KCND3: variants seen among roughly 807,000 people sequenced by gnomAD.
The protein encoded by KCND3 is potassium voltage-gated channel subfamily D member 3.
In KCND3, 9 loss-of-function variants were observed where a neutral mutation model predicts 51.1. The ratio of observed to expected loss-of-function variants is 0.18; its 90% CI spans 0.11 to 0.31. KCND3 has a LOEUF of 0.31. Ranked by LOEUF, KCND3 falls within the 10% of genes least tolerant of loss-of-function variation. KCND3 has a pLI of 1.00. For missense variants in KCND3, 526 were observed against 903.8 expected (o/e 0.58, Z 5.36); for synonymous variants, 349 against 368.0 (o/e 0.95, Z 0.59).
chr1:111,863,530 A>T (rs1412760351), intron 2 of KCND3, among the ~76,000 whole-genome samples: 1 of 152,238 alleles, frequency 6.6e-6, no homozygotes, highest in African/African-American at 2.4e-5. Context: ...GTAACATCAC[A>T]TGCAAACACA....
chr1:111,891,481 G>A, intron 2 of KCND3, among the ~76,000 whole-genome samples: 1 of 152,228 alleles, frequency 6.6e-6, no homozygotes, highest in Admixed American at 6.5e-5. Flanking sequence ...AAGAGGCACA[G>A]TACCTACGGC....
chr1:111,967,529 C>T (rs751053436), intron 2 of KCND3, among the ~76,000 whole-genome samples: 47 of 152,320 alleles, frequency 3.1e-4, no homozygotes, highest in South Asian at 4.1e-4. Context: ...ACCCTGTTCA[C>T]GCACCCTGGA....
At chr1:111,970,260 A>G (rs1256649406) in intron 2 of KCND3, among the ~76,000 whole-genome samples, 1 of 151,664 alleles carries the variant, frequency 6.6e-6, no homozygotes, top group Non-Finnish European at 1.5e-5. Flanking sequence ...CAGTTGATCC[A>G]CTCACCTCAG....
chr1:111,877,824 T>C (rs943111525), intron 2 of KCND3, among the ~76,000 whole-genome samples: 19 of 152,308 alleles, frequency 1.2e-4, no homozygotes, highest in East Asian at 9.6e-4. Flanking sequence ...AGCCTTGGAC[T>C]GTACATTTGT....
chr1:111,897,544 C>A (rs1382954126), intron 2 of KCND3, among the ~76,000 whole-genome samples: 1 of 152,216 alleles, frequency 6.6e-6, no homozygotes, highest in African/African-American at 2.4e-5. Flanking sequence ...GCGTGGGGCA[C>A]AGGAGCGGAG....
chr1:111,837,638 C>T (rs1353175887), intron 2 of KCND3, among the ~76,000 whole-genome samples: 7 of 152,152 alleles, frequency 4.6e-5, no homozygotes, highest in Admixed American at 3.9e-4. Context: ...GATTTAGACT[C>T]CCAAGGGCCG....
At chr1:111,889,751 A>G (rs1669741889) in intron 2 of KCND3, among the ~76,000 whole-genome samples, 1 of 152,206 alleles carries the variant, frequency 6.6e-6, no homozygotes, top group South Asian at 2.1e-4. Context: ...AAGATAACAC[A>G]GACAAAATGG....
At chr1:111,937,919 A>G (rs1167373250) in intron 2 of KCND3, among the ~76,000 whole-genome samples, 3 of 152,272 alleles carry the variant, frequency 2.0e-5, no homozygotes, top group African/African-American at 7.2e-5. Context: ...AAGTTACCAC[A>G]TTGATCATGC....
intron 2 of KCND3, among the ~76,000 whole-genome samples, chr1:111,977,731 TC>T (rs983257095): frequency 6.6e-6 from 1 of 152,126 alleles, no homozygotes; most frequent in Non-Finnish European, 1.5e-5. Flanking sequence ...CTCCTGAGCT[TC>T]CCCCATGGAC....
At chr1:111,860,946 G>C (rs1367187494) in intron 2 of KCND3, among the ~76,000 whole-genome samples, 1 of 152,224 alleles carries the variant, frequency 6.6e-6, no homozygotes, top group African/African-American at 2.4e-5. Context: ...CAGCAAGGAA[G>C]TCCTCCTGTG....
At chr1:111,795,173 T>C (rs1265045304) in intron 2 of KCND3, among the ~76,000 whole-genome samples, 1 of 152,132 alleles carries the variant, frequency 6.6e-6, no homozygotes, top group East Asian at 1.9e-4. Context: ...CACCTCTCCT[T>C]TCTACCACAT....
intron 2 of KCND3, among the ~76,000 whole-genome samples, chr1:111,956,384 T>C (rs182492595): frequency 3.3e-4 from 50 of 152,324 alleles, no homozygotes; most frequent in Admixed American, 3.0e-3. Flanking sequence ...TGGCAGCAGC[T>C]GATTAATTTC....
At chr1:111,889,102 C>T (rs1179223936) in intron 2 of KCND3, among the ~76,000 whole-genome samples, 3 of 152,166 alleles carry the variant, frequency 2.0e-5, no homozygotes, top group African/African-American at 4.8e-5. Flanking sequence ...TAAATGGAGG[C>T]GATGTGGCTG....
chr1:111,857,978 A>G (rs1044052865), intron 2 of KCND3, among the ~76,000 whole-genome samples: 2 of 152,120 alleles, frequency 1.3e-5, no homozygotes, highest in Admixed American at 6.5e-5. Flanking sequence ...GATTCTCGCA[A>G]TAATGCTGTG....
chr1:111,844,850 C>T (rs546709288), intron 2 of KCND3, among the ~76,000 whole-genome samples: 2 of 152,296 alleles, frequency 1.3e-5, no homozygotes, highest in Non-Finnish European at 2.9e-5. Context: ...TCCCTTCTGC[C>T]TCCTCAAGGA....
intron 2 of KCND3, among the ~76,000 whole-genome samples, chr1:111,954,428 T>C (rs1171389205): frequency 6.6e-6 from 1 of 152,220 alleles, no homozygotes; most frequent in African/African-American, 2.4e-5. Context: ...CATACAGAAC[T>C]GAGACCATTT....
At position 111,988,885 on chromosome 1, in the gene KCND3, C is replaced by A. The variant is rs12728253; in HGVS notation, c.-73+620G>T. 0.19 allele frequency: 28,504 copies of A among 152,342 alleles called. 2,943 individuals are homozygous for A. The highest frequency in any genetic ancestry group is 0.24 in the Middle Eastern group (72 of 296). The allele number at this position is 152,342 out of a possible 1,614,324, so 9.4% of individuals were successfully genotyped here. A position where few individuals can be genotyped will look rare whatever the true frequency, so the allele number is the denominator to read the frequency against. On this transcript the variant is annotated intron_variant, in intron 1 of 7. Coordinates refer to ENST00000302127, the MANE Select transcript of KCND3 (RefSeq NM_001378969.1). ...AGCAAGCGCAGGAATTTAGTTGAGT[C>A]CAGGTAACTTTGCCCAGTCCCTTCC...
At chr1:111,855,493 T>C (rs1039267547) in intron 2 of KCND3, among the ~76,000 whole-genome samples, 1 of 152,236 alleles carries the variant, frequency 6.6e-6, no homozygotes, top group Non-Finnish European at 1.5e-5. Flanking sequence ...CTTATGCTAA[T>C]GACCACATAC....
intron 2 of KCND3, 70 bp from the exon 3 acceptor site, chr1:111,787,176 C>A: frequency 6.9e-7 from 1 of 1,452,990 alleles, no homozygotes; most frequent in Non-Finnish European, 9.6e-7. Context: ...GCTTCCCTGC[C>A]AATCATTCAC....
Sources: allele counts gnomAD v4.1 joint callset (sites outside exome capture counted in the v4.1 genomes callset), GRCh38; gene constraint gnomAD v4.1.1; transcripts MANE v1.5; gene names NCBI Gene and HGNC (gene_info 2026-07-23, HGNC 2026-07-21).